The following SYT13 variants were observed in gnomAD, a reference collection of about 807,000 sequenced individuals.
The protein encoded by SYT13 is synaptotagmin-13.
SYT13 carries 21 observed loss-of-function variants against 38.6 expected under a neutral mutation model. That is an observed-to-expected ratio of 0.54 (90% CI 0.39 to 0.78). The LOEUF (loss-of-function observed/expected upper bound fraction) is 0.78. SYT13 is among the 30% of genes least tolerant of loss of function. SYT13 has a pLI of 0.00. For missense variants in SYT13, 495 were observed against 548.7 expected, an observed-to-expected ratio of 0.90 and a Z score of 0.98; for synonymous variants, 241 against 237.6, an observed-to-expected ratio of 1.01 and a Z score of -0.13.
intron 4 of SYT13, among the ~76,000 whole-genome samples, chr11:45,249,046 A>G (rs1342124507): frequency 7.4e-6 from 1 of 135,696 alleles, no homozygotes; most frequent in Non-Finnish European, 1.7e-5. Flanking sequence ...AATTAAACAA[A>G]TTTACAAGAA....
chr11:45,248,580 C>T (rs773605441), intron 4 of SYT13, among the ~76,000 whole-genome samples: 1 of 152,278 alleles, frequency 6.6e-6, no homozygotes, highest in African/African-American at 2.4e-5. Context: ...AGTTGACAGC[C>T]CTCCCTAACC....
At chr11:45,272,691 G>A (rs1565393738) in intron 1 of SYT13, among the ~76,000 whole-genome samples, 1 of 152,210 alleles carries the variant, frequency 6.6e-6, no homozygotes, top group Non-Finnish European at 1.5e-5. Flanking sequence ...TGATATCAGA[G>A]TACCTGGCTC....
At chr11:45,278,256 G>T (rs1855032790) in intron 1 of SYT13, among the ~76,000 whole-genome samples, 2 of 152,290 alleles carry the variant, frequency 1.3e-5, no homozygotes, top group South Asian at 4.1e-4. Flanking sequence ...AATAAGCCCT[G>T]GGAGTACTGA....
chr11:45,277,274 G>A (rs7935226), intron 1 of SYT13, among the ~76,000 whole-genome samples: 65,296 of 151,976 alleles, frequency 0.43, 16,034 homozygotes, highest in Non-Finnish European at 0.56. Context: ...TTCTTCTGAG[G>A]TGAGGAAAAT....
Position 45,286,327 on chromosome 11 carries a change from C to G in SYT13, c.-120G>C, listed in dbSNP as rs1243608135. The G allele has an allele frequency of 1.3e-5, 16 of 1,238,324 alleles. No individual in the cohort carries two copies. The highest frequency in any genetic ancestry group is 4.8e-5 in the African/African-American group (3 of 62,854). 76.7% of individuals were successfully genotyped at this position (1,238,324 alleles called of 1,614,324 possible). ...AGCAGCTCTCCCGCCGCCAGAGGGG[C>G]GGGGACGGAGGGAGGGAGGACGGCT... is the stretch of plus-strand genomic sequence containing the variant. On this transcript the variant is annotated 5_prime_UTR_variant, in exon 1 of 6. Coordinates refer to ENST00000020926, the MANE Select transcript of SYT13 (RefSeq NM_020826.3).
rs143757446 is a variant in SYT13, at chr11:45,251,137, C to A, written c.846+1284G>T. 7.1e-3 allele frequency among the ~76,000 whole-genome samples: 1,078 copies of A among 152,040 alleles called. 14 individuals are homozygous for A. The highest frequency in any genetic ancestry group is 0.025 in the African/African-American group (1,031 of 41,446). The stretch of plus-strand genomic sequence containing the variant: ...GGGTGCAGTGACTCATGCCTGTAAT[C>A]CCAGGACTTTGGGAGGCTGAGGTGG... On this transcript the variant is annotated intron_variant, in intron 4 of 5. Transcript: ENST00000020926.
chr11:45,285,995 G>C (rs1465989735), intron 1 of SYT13, 30 bp downstream of exon 1: 2 of 1,592,604 alleles, frequency 1.3e-6, no homozygotes, highest in East Asian at 2.3e-5. Context: ...CGCCTTGCCC[G>C]GGAAGGGCCT....
At chr11:45,278,827 G>T (rs1005287843) in intron 1 of SYT13, among the ~76,000 whole-genome samples, 4 of 152,128 alleles carry the variant, frequency 2.6e-5, no homozygotes, top group African/African-American at 9.7e-5. Context: ...ATTTCCAGCG[G>T]GTATGTGCTC....
At chr11:45,279,791 G>A (rs1167814156) in intron 1 of SYT13, among the ~76,000 whole-genome samples, 1 of 152,164 alleles carries the variant, frequency 6.6e-6, no homozygotes, top group African/African-American at 2.4e-5. Context: ...GTAAAAGTCT[G>A]AGAATCCATG....
intron 1 of SYT13, among the ~76,000 whole-genome samples, chr11:45,271,746 G>C (rs1261703911): frequency 6.6e-6 from 1 of 152,170 alleles, no homozygotes; most frequent in Non-Finnish European, 1.5e-5. Flanking sequence ...AACCAACCTG[G>C]AGACACAGAG....
intron 2 of SYT13, among the ~76,000 whole-genome samples, chr11:45,254,861 C>T (rs1451823764): frequency 6.6e-6 from 1 of 152,076 alleles, no homozygotes; most frequent in African/African-American, 2.4e-5. Context: ...TGCCTGTAAC[C>T]CCAGCACTTC....
intron 1 of SYT13, among the ~76,000 whole-genome samples, chr11:45,283,119 G>T (rs1855093803): frequency 6.6e-6 from 1 of 152,210 alleles, no homozygotes; most frequent in Admixed American, 6.5e-5. Flanking sequence ...CTGCACTCCA[G>T]CCTGTGTGAT....
rs112915676 is a variant in SYT13, at chr11:45,255,605, G to A, written c.409+61C>T. 518 of 1,509,426 alleles carry A rather than the reference G, an allele frequency of 3.4e-4. 4 individuals carry two copies. The African/African-American group carries it at 5.9e-3, about 17-fold the overall frequency. 93.5% of individuals were successfully genotyped at this position (1,509,426 alleles called of 1,614,324 possible). On this transcript the variant is annotated intron_variant, in intron 2 of 5. Transcript: ENST00000020926. The stretch of plus-strand genomic sequence containing the variant: ...TCAGGCCACACACAGCATCTACAGA[G>A]ACATTGACAAGCCCCACTGGAGTGC...
At chr11:45,249,343 A>G (rs1215983897) in intron 4 of SYT13, among the ~76,000 whole-genome samples, 1 of 152,206 alleles carries the variant, frequency 6.6e-6, no homozygotes, top group Non-Finnish European at 1.5e-5. Context: ...ACAGTGTGGC[A>G]ATTCCTCAAG....
intron 1 of SYT13, among the ~76,000 whole-genome samples, chr11:45,266,093 G>A (rs559048763): frequency 1.3e-5 from 2 of 152,272 alleles, no homozygotes; most frequent in South Asian, 4.2e-4. Context: ...GTACACACAT[G>A]CACCTCTGAG....
chr11:45,252,453 C>A lies in SYT13; in HGVS notation c.814G>T (p.Ala272Ser), dbSNP rs1273688258. ...LDGTSVPLGAAQWGELKTSAK... is the reference protein window; with the variant it reads ...LDGTSVPLGASQWGELKTSAK... ...GAAGTCTTCAGCTCGCCCCACTGGG[C>A]AGCCCCTAGAGGCACAGATGTCCCG... The change falls in exon 4 of 6, where the codon GCC becomes TCC. Residue 272 changes from alanine (A) to serine (S), a missense_variant. Coordinates refer to ENST00000020926, the MANE Select transcript of SYT13 (RefSeq NM_020826.3). This position sits in a 1 kb window ranked among gnomAD's most constrained non-coding sequence, Gnocchi z 4.3. 1.9e-6 allele frequency: 3 copies of A among 1,603,086 alleles called. No homozygotes were observed. The highest frequency in any genetic ancestry group is 3.4e-5 in the Admixed American group (2 of 59,654).
At chr11:45,268,916 AC>A (rs938087705) in intron 1 of SYT13, among the ~76,000 whole-genome samples, 1 of 152,192 alleles carries the variant, frequency 6.6e-6, no homozygotes, top group Non-Finnish European at 1.5e-5. Flanking sequence ...ACTGATTGCT[AC>A]CCCGACGCAC....
chr11:45,286,203 A>T lies in SYT13; in HGVS notation c.5T>A (p.Val2Glu). Residue 2 changes from valine (V) to glutamate (E), a missense_variant, in exon 1 of 6, where the codon GTG (valine) becomes GAG (glutamate). Val to Glu is a moderately radical substitution (Grantham distance 121). Coordinates refer to ENST00000020926, the MANE Select transcript of SYT13 (RefSeq NM_020826.3). M[V>E]LSVPVIALGA... is the part of the protein sequence containing the mutation. ...CAGCGCGATCACAGGCACCGACAGC[A>T]CCATGGTGCCCGCTCCCGGCGAGGG... 6.4e-7 allele frequency: 1 copy of T among 1,556,774 alleles called. No homozygotes were observed. The highest frequency in any genetic ancestry group is 2.3e-5 in the East Asian group (1 of 42,886).
chr11:45,284,304 C>T (rs1327712638), intron 1 of SYT13, among the ~76,000 whole-genome samples: 1 of 152,214 alleles, frequency 6.6e-6, no homozygotes, highest in East Asian at 1.9e-4. Context: ...ACTTCTCTAG[C>T]TGTGCAGCTC....
Sources: allele counts gnomAD v4.1 joint callset (sites outside exome capture counted in the v4.1 genomes callset), GRCh38; gene constraint gnomAD v4.1.1; non-coding constraint Gnocchi (gnomAD v3.1); transcripts MANE v1.5; gene names NCBI Gene and HGNC (gene_info 2026-07-23, HGNC 2026-07-21).